Variants in TTLL5 observed in about 807,000 individuals in gnomAD.
TTLL5 encodes the protein tubulin polyglutamylase TTLL5.
Under a neutral mutation model 168.4 loss-of-function variants are expected in TTLL5, and 132 were observed. That is an observed-to-expected ratio of 0.78 (90% confidence interval 0.68 to 0.91). The LOEUF is 0.91. TTLL5 is among the 40% of genes least tolerant of loss of function. TTLL5 has a pLI of 0.00. For missense variants in TTLL5, 1,545 were observed against 1,581.5 expected (o/e 0.98, Z 0.39); for synonymous variants, 546 against 558.6 (o/e 0.98, Z 0.32).
chr14:75,935,257 C>T (rs1244377152), intron 31 of TTLL5, among the ~76,000 whole-genome samples: 1 of 152,164 alleles, frequency 6.6e-6, no homozygotes, highest in Non-Finnish European at 1.5e-5. Flanking sequence ...TTCTTTTCAC[C>T]AACAGCCCTC....
chr14:75,843,752 T>A (rs113856875), intron 28 of TTLL5, among the ~76,000 whole-genome samples: 2 of 152,186 alleles, frequency 1.3e-5, no homozygotes, highest in Non-Finnish European at 2.9e-5. Flanking sequence ...CTCATCATTG[T>A]CCTCATGTGG....
At chr14:75,874,935 T>TTTTTTTTTTTTTG (rs2031355275) in intron 29 of TTLL5, among the ~76,000 whole-genome samples, 1 of 131,562 alleles carries the variant, frequency 7.6e-6, no homozygotes, top group African/African-American at 3.2e-5. Context: ...CTGGGGGCCT[T>TTTTTTTTTTTTTG]TTTTTTTTTT....
intron 28 of TTLL5, chr14:75,837,412 A>T (rs1190384964): frequency 6.6e-6 from 1 of 152,204 alleles, no homozygotes; most frequent in Non-Finnish European, 1.5e-5. Flanking sequence ...AAAAATTATT[A>T]TTTTAAAAAT....
rs1566599141 is a variant in TTLL5, at chr14:75,775,631, G to A, written c.2283+1G>A. ...TGACTTTATCATTGTATACAACAAG[G>A]TAAGTCTTTTTCTGTTAGTCTTGTG... On this transcript the variant is annotated splice_donor_variant, in intron 22 of 31. Coordinates refer to ENST00000298832, the MANE Select transcript of TTLL5 (RefSeq NM_015072.5). LOFTEE classifies it high-confidence loss of function. The A allele has an allele frequency of 6.2e-7, 1 of 1,613,936 alleles. No homozygotes were observed. The highest frequency in any genetic ancestry group is 8.5e-7 in the Non-Finnish European group (1 of 1,179,894).
intron 9 of TTLL5, among the ~76,000 whole-genome samples, chr14:75,715,676 T>A (rs924748266): frequency 1.3e-5 from 2 of 152,206 alleles, no homozygotes; most frequent in Non-Finnish European, 2.9e-5. Context: ...TTTGTTTCAC[T>A]TTAATTTTTG....
chr14:75,925,038 G>A lies in TTLL5; in HGVS notation c.3823+22814G>A, dbSNP rs1168374810. Among the ~76,000 whole-genome samples, 32 of 147,946 alleles carry A rather than the reference G, an allele frequency of 2.2e-4. 1 individual carries two copies. Among genetic ancestry groups the A allele is most frequent in the African/African-American group, 7.3e-4 (29 of 39,634 alleles). On this transcript the variant is annotated intron_variant, in intron 31 of 31. Coordinates refer to ENST00000298832, the MANE Select transcript of TTLL5 (RefSeq NM_015072.5). ...TCCTCACTTCCCAGTAGGGGCGGCC[G>A]GGCAGAGGCGCCCCTCACCTCCAGG...
At chr14:75,717,671 G>A in intron 9 of TTLL5, 190 bp from the exon 10 acceptor site, 2 of 558,474 alleles carry the variant, frequency 3.6e-6, no homozygotes, top group Admixed American at 6.1e-5. Flanking sequence ...ACTTCATAGG[G>A]TTGCTTTAAG....
chr14:75,827,188 A>G (rs898168543), intron 28 of TTLL5, among the ~76,000 whole-genome samples: 1 of 152,122 alleles, frequency 6.6e-6, no homozygotes, highest in East Asian at 1.9e-4. Context: ...TTTTTTTGAA[A>G]GAAACAAAAT....
chr14:75,667,757 T>G (rs899099144), intron 2 of TTLL5, among the ~76,000 whole-genome samples: 2 of 141,884 alleles, frequency 1.4e-5, no homozygotes, highest in Non-Finnish European at 3.1e-5. Context: ...TTATGTTTTT[T>G]TTTTTTTTTT....
chr14:75,855,244 G>A (rs777589425), intron 28 of TTLL5, among the ~76,000 whole-genome samples: 3 of 151,786 alleles, frequency 2.0e-5, no homozygotes, highest in Non-Finnish European at 4.4e-5. Flanking sequence ...TATTGTGATC[G>A]CTTTGAATCT....
chr14:75,840,223 A>G (rs1896143903), intron 28 of TTLL5, among the ~76,000 whole-genome samples: 1 of 152,192 alleles, frequency 6.6e-6, no homozygotes, highest in East Asian at 1.9e-4. Context: ...TCTTTCAGAC[A>G]CAGTCATTTT....
intron 29 of TTLL5, among the ~76,000 whole-genome samples, chr14:75,880,697 T>C (rs897808235): frequency 6.6e-6 from 1 of 152,184 alleles, no homozygotes; most frequent in Admixed American, 6.5e-5. Flanking sequence ...CCCTCAAATA[T>C]GGAAACAACA....
intron 25 of TTLL5, 145 bp downstream of exon 25, chr14:75,782,718 T>C: frequency 1.3e-6 from 1 of 766,040 alleles, no homozygotes; most frequent in Non-Finnish European, 2.0e-6. Context: ...CTTAGAATTT[T>C]CTCTTATCTA....
At chr14:75,933,345 C>G (rs1433584070) in intron 31 of TTLL5, among the ~76,000 whole-genome samples, 1 of 152,166 alleles carries the variant, frequency 6.6e-6, no homozygotes, top group Non-Finnish European at 1.5e-5. Flanking sequence ...TGCCTGTAGT[C>G]CCAGCTACTG....
intron 21 of TTLL5, among the ~76,000 whole-genome samples, chr14:75,773,957 A>AGAAAGAGAGAAAG (rs1891536422): frequency 4.6e-5 from 2 of 43,384 alleles, no homozygotes; most frequent in Non-Finnish European, 8.6e-5. Flanking sequence ...GAGAGAGAGA[A>AGAAAGAGAGAAAG]AGAGAGAGAG....
At chr14:75,665,634 A>C (rs527518465) in intron 2 of TTLL5, among the ~76,000 whole-genome samples, 14 of 152,300 alleles carry the variant, frequency 9.2e-5, no homozygotes, top group Admixed American at 2.0e-4. Flanking sequence ...CGAGGTGGGC[A>C]GATCACTTGC....
At chr14:75,826,296 T>TACACACACACAC (rs57519882) in intron 28 of TTLL5, among the ~76,000 whole-genome samples, 7,507 of 139,300 alleles carry the variant, frequency 0.054, 285 homozygotes, top group East Asian at 0.16. Context: ...AGGATACGCG[T>TACACACACACAC]ACACACACAC....
chr14:75,750,135 A>G lies in TTLL5; in HGVS notation c.1488-2758A>G, dbSNP rs754635930. ...GGGTCAGATATTCTGATCTAGATCTACTTTTTTCCTGCTGCATCATACAGC... is the reference window on the plus strand; with the variant it reads ...GGGTCAGATATTCTGATCTAGATCTGCTTTTTTCCTGCTGCATCATACAGC... On this transcript the variant is annotated intron_variant, in intron 17 of 31. Coordinates refer to ENST00000298832, the MANE Select transcript of TTLL5 (RefSeq NM_015072.5). Among the ~76,000 whole-genome samples, 3 of 152,068 alleles carry G rather than the reference A, an allele frequency of 2.0e-5. No individual in the cohort carries two copies. In the East Asian group the frequency reaches 5.8e-4, roughly 29 times the overall value.
intron 7 of TTLL5, among the ~76,000 whole-genome samples, chr14:75,704,301 G>C (rs1886490125): frequency 6.6e-6 from 1 of 152,240 alleles, no homozygotes; most frequent in South Asian, 2.1e-4. Flanking sequence ...CACTTTGGGA[G>C]GCTGAGGCGG....
Sources: gnomAD v4.1 joint callset for allele counts (sites outside exome capture counted in the v4.1 genomes callset) on GRCh38, gnomAD v4.1.1 for gene constraint, MANE v1.5 for transcripts, NCBI Gene and HGNC (gene_info 2026-07-23, HGNC 2026-07-21) for gene names.